The following PLXNC1 variants were observed in gnomAD, a reference collection of about 807,000 sequenced individuals.
The protein encoded by PLXNC1 is plexin C1, also known as plexin-C1.
Under a neutral mutation model 178.2 loss-of-function variants are expected in PLXNC1, and 75 were observed. The ratio of observed to expected loss-of-function variants is 0.42; its 90% confidence interval spans 0.35 to 0.51. The LOEUF (loss-of-function observed/expected upper bound fraction) is 0.51. Among genes scored for constraint, PLXNC1 ranks in the 20% least tolerant of loss-of-function variants. The pLI, the probability that PLXNC1 is intolerant of heterozygous loss-of-function variation, is 0.02. For synonymous variants in PLXNC1, 790 were observed against 779.9 expected, an observed-to-expected ratio of 1.01 and a Z score of -0.22; for missense variants, 1,503 against 1,984.4, an observed-to-expected ratio of 0.76 and a Z score of 4.61.
chr12:94,227,622 C>T (rs190767852), intron 9 of PLXNC1, among the ~76,000 whole-genome samples: 1 of 152,200 alleles, frequency 6.6e-6, no homozygotes, highest in East Asian at 1.9e-4. Flanking sequence ...GCAAAGTGTG[C>T]AAACTAACCT....
chr12:94,262,460 G>C, intron 20 of PLXNC1: 6 of 984,904 alleles, frequency 6.1e-6, no homozygotes, highest in Non-Finnish European at 6.0e-6. Flanking sequence ...GAGATGTTCA[G>C]AAAATCTGGG....
intron 21 of PLXNC1, among the ~76,000 whole-genome samples, chr12:94,273,787 T>C (rs1311616921): frequency 6.6e-6 from 1 of 152,144 alleles, no homozygotes. Flanking sequence ...CAAAATGAGC[T>C]CTGGCAGTTT....
chr12:94,300,975 C>T lies in PLXNC1; in HGVS notation c.4304C>T (p.Thr1435Ile). The change falls in exon 28 of 31, where the codon ACA (threonine) becomes ATA (isoleucine). Residue 1435 changes from threonine to isoleucine, a missense_variant. By Grantham distance (89) the Thr-to-Ile change is moderately conservative. Around this residue, in one of 4 missense-constraint regions of PLXNC1, gnomAD observed 639 missense variants for 979.7 expected, o/e 0.65. Coordinates refer to ENST00000258526, the MANE Select transcript of PLXNC1 (RefSeq NM_005761.3). ...CAGTTTGTCTTTGACATTAAGAAGA[C>T]ACCACATATAGACGGCTGTTTGTCA... is the stretch of plus-strand genomic sequence containing the variant. ...NPQFVFDIKK[T>I]PHIDGCLSVI... 6.2e-7 allele frequency: 1 copy of T among 1,613,758 alleles called. No individual in the cohort carries two copies.
At chr12:94,264,510 G>C (rs917078949) in intron 20 of PLXNC1, among the ~76,000 whole-genome samples, 1 of 131,932 alleles carries the variant, frequency 7.6e-6, no homozygotes, top group African/African-American at 3.0e-5. Context: ...TGCCCGGGCC[G>C]GGCCTGGCCT....
At chr12:94,267,844 T>TC (rs1363623624) in intron 21 of PLXNC1, among the ~76,000 whole-genome samples, 1 of 152,092 alleles carries the variant, frequency 6.6e-6, no homozygotes, top group African/African-American at 2.4e-5. Flanking sequence ...CCTTCCCTCC[T>TC]CCCCTTCTTT....
intron 23 of PLXNC1, among the ~76,000 whole-genome samples, chr12:94,285,174 G>A (rs1966757772): frequency 1.3e-5 from 2 of 152,186 alleles, no homozygotes; most frequent in African/African-American, 4.8e-5. Context: ...GACAGGAGGA[G>A]GAGCAGCTTC....
chr12:94,210,836 G>T (rs1963446758), intron 5 of PLXNC1, among the ~76,000 whole-genome samples: 2 of 152,284 alleles, frequency 1.3e-5, no homozygotes, highest in South Asian at 2.1e-4. Context: ...TGGTGGAAAA[G>T]ATTCTTAGGC....
chr12:94,159,158 A>G (rs919238389), intron 1 of PLXNC1, among the ~76,000 whole-genome samples: 2 of 152,254 alleles, frequency 1.3e-5, no homozygotes, highest in African/African-American at 4.8e-5. Context: ...AGGGTAGACA[A>G]TAAACATTTG....
At chr12:94,198,348 C>T (rs1592756070) in intron 4 of PLXNC1, among the ~76,000 whole-genome samples, 2 of 152,208 alleles carry the variant, frequency 1.3e-5, no homozygotes. Context: ...CACATGGACA[C>T]AGGGAGGGGA....
Position 94,259,813 on chromosome 12 carries a change from C to G in PLXNC1, c.3251+79C>G, listed in dbSNP as rs1159866226. The G allele has an allele frequency of 2.3e-6, 3 of 1,330,510 alleles. No homozygotes were observed. The African/African-American group carries it at 4.5e-5, about 20-fold the overall frequency. The allele number at this position is 1,330,510 out of a possible 1,614,324, so 82.4% of individuals were successfully genotyped here. ...GCATGGTGGCTCATGGCTGTAATCC[C>G]AGCATTTTGGGAGGCCAAGGCAGGC... On this transcript the variant is annotated intron_variant, in intron 19 of 30. Coordinates refer to ENST00000258526, the MANE Select transcript of PLXNC1 (RefSeq NM_005761.3).
At chr12:94,163,449 G>A (rs1288315328) in intron 1 of PLXNC1, among the ~76,000 whole-genome samples, 7 of 152,220 alleles carry the variant, frequency 4.6e-5, no homozygotes, top group Middle Eastern at 3.4e-3. Context: ...GAGTCAGGTC[G>A]TCTTTTTATA....
intron 22 of PLXNC1, 131 bp downstream of exon 22, chr12:94,279,780 C>A (rs1966297898): frequency 1.2e-6 from 1 of 846,616 alleles, no homozygotes; most frequent in African/African-American, 1.7e-5. Context: ...CAGGTTGTTC[C>A]TGGAGGGCAT....
chr12:94,231,852 A>G (rs2136038035), intron 9 of PLXNC1, among the ~76,000 whole-genome samples: 1 of 152,264 alleles, frequency 6.6e-6, no homozygotes, highest in Non-Finnish European at 1.5e-5. Context: ...CCATTTCTTA[A>G]CATTCTCATA....
intron 12 of PLXNC1, among the ~76,000 whole-genome samples, chr12:94,245,268 A>G (rs898720768): frequency 2.6e-5 from 4 of 152,194 alleles, no homozygotes; most frequent in Non-Finnish European, 5.9e-5. Flanking sequence ...CTGTTCCCAA[A>G]TCAAGTTGAA....
At chr12:94,181,201 C>T (rs969906803) in intron 2 of PLXNC1, among the ~76,000 whole-genome samples, 5 of 151,724 alleles carry the variant, frequency 3.3e-5, no homozygotes, top group African/African-American at 1.2e-4. Context: ...AGATCAAAAC[C>T]ATCCTGGCCA....
At chr12:94,198,163 T>C (rs969267261) in intron 4 of PLXNC1, among the ~76,000 whole-genome samples, 1 of 152,252 alleles carries the variant, frequency 6.6e-6, no homozygotes, top group African/African-American at 2.4e-5. Context: ...AAAGAAAATG[T>C]GGTACATATG....
intron 20 of PLXNC1, among the ~76,000 whole-genome samples, chr12:94,263,485 G>A (rs1487930364): frequency 2.6e-5 from 4 of 152,030 alleles, no homozygotes; most frequent in Non-Finnish European, 4.4e-5. Flanking sequence ...CACAGCCCCC[G>A]AGAGCCCACC....
intron 26 of PLXNC1, 96 bp downstream of exon 26, chr12:94,297,519 C>A: frequency 1.2e-6 from 1 of 838,126 alleles, no homozygotes; most frequent in Non-Finnish European, 1.9e-6. Context: ...GTTACAAATC[C>A]CTTGTGCCTT....
chr12:94,232,135 G>A (rs534902860), intron 9 of PLXNC1, among the ~76,000 whole-genome samples: 39 of 151,980 alleles, frequency 2.6e-4, no homozygotes, highest in Non-Finnish European at 4.4e-4. Flanking sequence ...TGCCCAGGGT[G>A]GAGTGCAGTG....
Sources: allele counts gnomAD v4.1 joint callset (sites outside exome capture counted in the v4.1 genomes callset), GRCh38; gene constraint gnomAD v4.1.1; regional missense constraint gnomAD v4.1.1; transcripts MANE v1.5; gene names NCBI Gene and HGNC (gene_info 2026-07-23, HGNC 2026-07-21).